Variants in GRIK4 observed in about 807,000 individuals in gnomAD.
GRIK4 encodes the protein glutamate receptor ionotropic, kainate 4.
In GRIK4, 40 loss-of-function variants were observed where a neutral mutation model predicts 104.9. The ratio of observed to expected loss-of-function variants is 0.38; its 90% CI spans 0.30 to 0.50. The LOEUF is 0.50. Ranked by LOEUF, GRIK4 falls within the 20% of genes least tolerant of loss-of-function variation. The probability of loss-of-function intolerance (pLI) is 0.93; values close to 1 mark genes in which losing one functional copy is unlikely to be tolerated. For missense variants in GRIK4, 1,047 were observed against 1,308.1 expected (o/e 0.80, Z 3.08); for synonymous variants, 485 against 524.9 (o/e 0.92, Z 1.04).
intron 2 of GRIK4, 105 bp downstream of exon 2, chr11:120,653,897 A>C (rs1191250906): frequency 6.6e-6 from 1 of 152,264 alleles, no homozygotes; most frequent in African/African-American, 2.4e-5. Flanking sequence ...GATGGAGCCC[A>C]GCTTCTGTCT....
chr11:120,975,617 C>G lies in GRIK4; in HGVS notation c.2396-6489C>G, dbSNP rs12275820. 4.6e-3 allele frequency among the ~76,000 whole-genome samples: 706 copies of G among 152,292 alleles called. 3 individuals carry two copies. The highest frequency in any genetic ancestry group is 0.016 in the African/African-American group (676 of 41,562). ...CGATTCAAACATGCGATGTCATGTT[C>G]TGAAGGACAGAAGGGGATTTTATAA... On this transcript the variant is annotated intron_variant, in intron 19 of 20. Transcript: ENST00000527524.
chr11:120,794,221 A>G (rs12278639), intron 3 of GRIK4, among the ~76,000 whole-genome samples: 5 of 95,830 alleles, frequency 5.2e-5, no homozygotes, highest in South Asian at 3.9e-4. Flanking sequence ...CAGGTGAGGG[A>G]AGTTGTTAGG....
intron 13 of GRIK4, chr11:120,936,211 C>T (rs1943595588): frequency 2.6e-6 from 1 of 377,472 alleles, no homozygotes; most frequent in Non-Finnish European, 5.2e-6. Flanking sequence ...TTTCCTCCAG[C>T]TTCACAGCCC....
intron 1 of GRIK4, among the ~76,000 whole-genome samples, chr11:120,638,004 T>A (rs1490328677): frequency 6.6e-6 from 1 of 152,042 alleles, no homozygotes; most frequent in African/African-American, 2.4e-5. Flanking sequence ...CTCAGCCTCC[T>A]GAGTGCCTGG....
intron 14 of GRIK4, among the ~76,000 whole-genome samples, chr11:120,944,479 GC>G (rs1017051839): frequency 3.9e-5 from 6 of 152,128 alleles, no homozygotes; most frequent in Non-Finnish European, 7.4e-5. Context: ...CCTTCCCTGT[GC>G]CCCATATCAG....
intron 16 of GRIK4, 62 bp from the exon 17 acceptor site, chr11:120,960,847 C>T: frequency 7.4e-7 from 1 of 1,357,212 alleles, no homozygotes; most frequent in Non-Finnish European, 1.0e-6. Flanking sequence ...GGACTGGGGT[C>T]AGGGGCCAAG....
At chr11:120,695,314 G>C (rs949547535) in intron 3 of GRIK4, among the ~76,000 whole-genome samples, 55 of 152,360 alleles carry the variant, frequency 3.6e-4, no homozygotes, top group African/African-American at 1.0e-3. Context: ...CTGGCATTGG[G>C]CAGCTCTCCC....
intron 1 of GRIK4, among the ~76,000 whole-genome samples, chr11:120,542,007 A>G (rs181804092): frequency 2.9e-4 from 44 of 152,348 alleles, no homozygotes; most frequent in Admixed American, 1.3e-3. Context: ...TCAAATAGCC[A>G]AAACAGTCTT....
intron 8 of GRIK4, among the ~76,000 whole-genome samples, chr11:120,852,169 A>G (rs562082603): frequency 6.6e-6 from 1 of 152,368 alleles, no homozygotes; most frequent in African/African-American, 2.4e-5. Context: ...GTTAATAACT[A>G]CTTATTTAGC....
intron 3 of GRIK4, among the ~76,000 whole-genome samples, chr11:120,739,107 T>C (rs1442839157): frequency 6.6e-6 from 1 of 152,084 alleles, no homozygotes; most frequent in African/African-American, 2.4e-5. Flanking sequence ...TGTCCTCCCT[T>C]CTTAGTTGAG....
At chr11:120,737,790 TGGG>T (rs1408007597) in intron 3 of GRIK4, among the ~76,000 whole-genome samples, 1 of 151,968 alleles carries the variant, frequency 6.6e-6, no homozygotes, top group Non-Finnish European at 1.5e-5. Context: ...GATGAGGACA[TGGG>T]GGGCTTTCTG....
intron 8 of GRIK4, among the ~76,000 whole-genome samples, chr11:120,848,682 C>A (rs985976587): frequency 1.3e-5 from 2 of 152,132 alleles, no homozygotes; most frequent in African/African-American, 4.8e-5. Context: ...GGAAATGAGG[C>A]ATTATTGTCA....
chr11:120,886,742 G>A (rs905247393), intron 11 of GRIK4, among the ~76,000 whole-genome samples: 1 of 152,214 alleles, frequency 6.6e-6, no homozygotes, highest in Non-Finnish European at 1.5e-5. Flanking sequence ...ATGAGTAGCT[G>A]AAGTTTTCCT....
chr11:120,651,295 G>A lies in GRIK4; in HGVS notation c.-158-2390G>A, dbSNP rs188231825. ...CAACCTTTCCAGGGAGCTATTGTCT[G>A]CAGTTTTACAGTTGTGGAAATAAAG... On this transcript the variant is annotated intron_variant, in intron 1 of 20. Coordinates refer to ENST00000527524, the MANE Select transcript of GRIK4 (RefSeq NM_014619.5). Among the ~76,000 whole-genome samples the A allele has an allele frequency of 4.6e-5, 7 of 152,266 alleles. No homozygotes were observed. In the Middle Eastern group the frequency reaches 0.01, roughly 222 times the overall value.
At chr11:120,590,282 G>A (rs967689971) in intron 1 of GRIK4, among the ~76,000 whole-genome samples, 1 of 152,138 alleles carries the variant, frequency 6.6e-6, no homozygotes, top group African/African-American at 2.4e-5. Context: ...GCCCCAGGAG[G>A]CCTCCACCTG....
At chr11:120,866,364 C>T (rs1052585097) in intron 9 of GRIK4, among the ~76,000 whole-genome samples, 1 of 152,170 alleles carries the variant, frequency 6.6e-6, no homozygotes, top group Non-Finnish European at 1.5e-5. Context: ...AGTAATTCAC[C>T]GCTCTTCTGT....
At chr11:120,911,761 G>C (rs1943002294) in intron 13 of GRIK4, among the ~76,000 whole-genome samples, 2 of 148,646 alleles carry the variant, frequency 1.3e-5, no homozygotes, top group African/African-American at 4.9e-5. Context: ...AGAATCACTT[G>C]AACCTGGGAG....
chr11:120,662,207 C>T (rs1347985044), intron 3 of GRIK4, among the ~76,000 whole-genome samples: 4 of 152,190 alleles, frequency 2.6e-5, no homozygotes, highest in African/African-American at 7.2e-5. Context: ...AGGCACCCCT[C>T]GTGCTCCCAA....
chr11:120,515,635 A>T (rs1388236042), intron 1 of GRIK4, among the ~76,000 whole-genome samples: 1 of 152,186 alleles, frequency 6.6e-6, no homozygotes, highest in Non-Finnish European at 1.5e-5. Context: ...CCTTTGCCTG[A>T]CACCTTTTCA....
Sources: gnomAD v4.1 joint callset for allele counts (sites outside exome capture counted in the v4.1 genomes callset) on GRCh38, gnomAD v4.1.1 for gene constraint, MANE v1.5 for transcripts, NCBI Gene and HGNC (gene_info 2026-07-23, HGNC 2026-07-21) for gene names.